Variants in CC2D1A observed in about 807,000 individuals in gnomAD.
The protein encoded by CC2D1A is coiled-coil and C2 domain-containing protein 1A.
A neutral mutation model predicts 123.8 loss-of-function variants in CC2D1A; 68 were observed. The observed-to-expected ratio is 0.55, with a 90% CI of 0.45 to 0.67. The LOEUF is 0.67. Among genes scored for constraint, CC2D1A ranks in the 30% least tolerant of loss-of-function variants. CC2D1A has a pLI of 0.00. For synonymous variants in CC2D1A, 477 were observed against 528.0 expected (o/e 0.90, Z 1.32); for missense variants, 1,185 against 1,290.3 (o/e 0.92, Z 1.25).
rs770697782 is a variant in CC2D1A at position 13,930,032 on chromosome 19, G to A, written c.2711-46G>A. 40 of 1,583,954 alleles carry A rather than the reference G, an allele frequency of 2.5e-5. No individual in the cohort carries two copies. The highest frequency in any genetic ancestry group is 3.3e-5 in the Non-Finnish European group (38 of 1,162,846). On this transcript the variant is annotated intron_variant, in intron 26 of 28. Coordinates refer to ENST00000318003, the MANE Select transcript of CC2D1A (RefSeq NM_017721.5). The surrounding 1 kb of genome is among the most constrained non-coding windows in gnomAD (Gnocchi z 6.8). The stretch of plus-strand genomic sequence containing the variant: ...GCACAGTCCAGGAGGGTTGTGGGCA[G>A]TGAGGCCCCACCCTAAGCCTCCATT...
intron 14 of CC2D1A, 144 bp downstream of exon 14, chr19:13,921,066 G>A (rs1324627179): frequency 2.5e-6 from 2 of 807,346 alleles, no homozygotes; most frequent in Admixed American, 3.1e-5. Flanking sequence ...GCTGAAAGGA[G>A]ACAGACATTT....
intron 11 of CC2D1A, 39 bp from the exon 12 acceptor site, chr19:13,919,779 T>C (rs752473899): frequency 1.3e-6 from 2 of 1,557,084 alleles, no homozygotes; most frequent in African/African-American, 2.7e-5. Context: ...TTGGTCTCCA[T>C]CCTGACACAC....
chr19:13,918,574 C>G lies in CC2D1A; in HGVS notation c.944C>G (p.Pro315Arg), dbSNP rs371171727. The G allele has an allele frequency of 7.4e-6, 12 of 1,613,202 alleles. No individual in the cohort carries two copies. The highest frequency in any genetic ancestry group is 9.3e-6 in the Non-Finnish European group (11 of 1,179,878). ...PVDLSCLPPP[P>R]DQLPPDPPSP... Reference sequence around the variant, plus strand: ...GACCTCTCCTGCCTGCCCCCTCCACCCGGTGAGAACCCTGCCATGCCCACT... The same window carrying G: ...GACCTCTCCTGCCTGCCCCCTCCACGCGGTGAGAACCCTGCCATGCCCACT... Residue 315 changes from proline to arginine, a missense_variant and splice_region_variant, in exon 8 of 29, where the codon CCC becomes CGC. Transcript: ENST00000318003.
Position 13,918,016 on chromosome 19 carries a change from C to G in CC2D1A, c.749-54C>G. The G allele has an allele frequency of 2.3e-5, 37 of 1,584,556 alleles. 3 individuals carry two copies. The South Asian group carries it at 3.9e-4, about 17-fold the overall frequency. On this transcript the variant is annotated intron_variant, in intron 6 of 28. Transcript: ENST00000318003. ...ATAAATAAATAACAAATGGTTTACA[C>G]GGTGAACTTGGCCCAGGCCCTGGAG...
chr19:13,915,499 C>T (rs1269609784), intron 6 of CC2D1A, among the ~76,000 whole-genome samples: 1 of 152,134 alleles, frequency 6.6e-6, no homozygotes, highest in Non-Finnish European at 1.5e-5. Context: ...TCCGCCTGCT[C>T]CGCCTCCCAA....
intron 17 of CC2D1A, among the ~76,000 whole-genome samples, chr19:13,924,450 G>A (rs903770561): frequency 7.2e-5 from 11 of 152,028 alleles, no homozygotes; most frequent in African/African-American, 2.4e-4. Flanking sequence ...GATTACAGGC[G>A]TGAGCCACCA....
chr19:13,910,407 CA>C (rs766322114), intron 2 of CC2D1A, among the ~76,000 whole-genome samples: 2,733 of 40,904 alleles, frequency 0.067, 42 homozygotes, highest in African/African-American at 0.18. Flanking sequence ...GACTCCGTCT[CA>C]AAAAAAAAAA....
At chr19:13,919,715 C>A in intron 11 of CC2D1A, 103 bp from the exon 12 acceptor site, 1 of 1,258,860 alleles carries the variant, frequency 7.9e-7, no homozygotes, top group Non-Finnish European at 1.1e-6. Context: ...AAAGTAAAGG[C>A]CCAAGACTCT....
chr19:13,926,042 A>ACG (rs1382694374), intron 17 of CC2D1A, among the ~76,000 whole-genome samples: 1 of 83,594 alleles, frequency 1.2e-5, no homozygotes, highest in Non-Finnish European at 2.2e-5. Flanking sequence ...ATATATATAT[A>ACG]TACACGTATA....
At chr19:13,925,555 C>A (rs1279462682) in intron 17 of CC2D1A, among the ~76,000 whole-genome samples, 1 of 150,850 alleles carries the variant, frequency 6.6e-6, no homozygotes, top group Non-Finnish European at 1.5e-5. Flanking sequence ...CCAGCCTGGG[C>A]GACAGAGTGA....
rs866968334 is a variant in CC2D1A, at chr19:13,918,564, C to T, written c.934C>T (p.Pro312Ser). 6.2e-7 allele frequency: 1 copy of T among 1,613,254 alleles called. No homozygotes were observed. The highest frequency in any genetic ancestry group is 1.3e-5 in the African/African-American group (1 of 74,914). The change falls in exon 8 of 29, where the codon CCC (proline) becomes TCC (serine). Residue 312 changes from proline to serine, a missense_variant. Transcript: ENST00000318003. ...RGEPVDLSCL[P>S]PPPDQLPPDP... ...TGAGCCCGTGGACCTCTCCTGCCTG[C>T]CCCCTCCACCCGGTGAGAACCCTGC...
In CC2D1A at chr19:13,930,038, C is replaced by A. The variant is rs1015292888; in HGVS notation, c.2711-40C>A. The A allele has an allele frequency of 6.3e-7, 1 of 1,594,056 alleles. No individual in the cohort carries two copies. The highest frequency in any genetic ancestry group is 8.5e-7 in the Non-Finnish European group (1 of 1,169,674). On this transcript the variant is annotated intron_variant, in intron 26 of 28. Coordinates refer to ENST00000318003, the MANE Select transcript of CC2D1A (RefSeq NM_017721.5). The surrounding 1 kb of genome is among the most constrained non-coding windows in gnomAD (Gnocchi z 6.8). The stretch of plus-strand genomic sequence containing the variant: ...TCCAGGAGGGTTGTGGGCAGTGAGG[C>A]CCCACCCTAAGCCTCCATTCCCCCG...
Position 13,930,476 on chromosome 19 carries a change from A to G in CC2D1A, c.*81A>G, listed in dbSNP as rs1971869201. On this transcript the variant is annotated 3_prime_UTR_variant, in exon 29 of 29. Transcript: ENST00000318003. The surrounding 1 kb of genome is among the most constrained non-coding windows in gnomAD (Gnocchi z 6.8). ...AAGAGCCGACACAGCCACGAACCAG[A>G]CAAGCAGACAATCAGCGGACAATCG... 3 of 1,434,382 alleles carry G rather than the reference A, an allele frequency of 2.1e-6. No individual in the cohort carries two copies. In the African/African-American group the frequency reaches 4.3e-5, roughly 20 times the overall value. The allele number at this position is 1,434,382 out of a possible 1,614,324, so 88.9% of individuals were successfully genotyped here.
At position 13,918,804 on chromosome 19, in the gene CC2D1A, G is replaced by A. The variant is rs772713840; in HGVS notation, c.1005G>A (p.Ala335=). 4.3e-6 allele frequency: 7 copies of A among 1,613,212 alleles called. No individual in the cohort carries two copies. The highest frequency in any genetic ancestry group is 4.0e-5 in the African/African-American group (3 of 75,016). ...PPSQPPTPAT[A]PSTTEVPPPP... ...CGCAGCCTCCGACCCCCGCTACGGC[G>A]CCCTCCACAACAGGTAGGTTCTGGG... The change falls in exon 9 of 29, where the codon GCG becomes GCA. Residue 335 remains alanine, a synonymous_variant. Transcript: ENST00000318003.
chr19:13,912,311 C>T lies in CC2D1A; in HGVS notation c.197-12C>T, dbSNP rs776613692. 7 of 1,582,702 alleles carry T rather than the reference C, an allele frequency of 4.4e-6. No individual in the cohort carries two copies. In the Admixed American group the frequency reaches 9.2e-5, roughly 21 times the overall value. ...CGACCCTGGTCCACCTGGGGCATCC[C>T]CCTACCGCCAGGTCCCTTGCCGATG... On this transcript the variant is annotated splice_polypyrimidine_tract_variant and intron_variant, in intron 2 of 28. Transcript: ENST00000318003.
chr19:13,927,145 C>T (rs1282185226), intron 21 of CC2D1A, 30 bp from the exon 22 acceptor site: 1 of 1,611,376 alleles, frequency 6.2e-7, no homozygotes, highest in Non-Finnish European at 8.5e-7. Context: ...AACCAACCAT[C>T]CTGTCCCCAC....
In CC2D1A at chr19:13,930,842, G is replaced by A. The variant is rs1043825419; in HGVS notation, c.*447G>A. On this transcript the variant is annotated 3_prime_UTR_variant, in exon 29 of 29. Coordinates refer to ENST00000318003, the MANE Select transcript of CC2D1A (RefSeq NM_017721.5). The surrounding 1 kb of genome is among the most constrained non-coding windows in gnomAD (Gnocchi z 6.8). Reference sequence around the variant, plus strand: ...CGACCTGGCCCAGCTGGGTCCCCAGGGCCAGCACATGGAATAAAATAGCCA... The same window carrying A: ...CGACCTGGCCCAGCTGGGTCCCCAGAGCCAGCACATGGAATAAAATAGCCA... 1.5e-5 allele frequency: 3 copies of A among 196,120 alleles called. No individual in the cohort carries two copies. Among genetic ancestry groups the A allele is most frequent in the African/African-American group, 2.3e-5 (1 of 42,620 alleles). 12.1% of individuals were successfully genotyped at this position (196,120 alleles called of 1,614,324 possible). A position where few individuals can be genotyped will look rare whatever the true frequency, so the allele number is the denominator to read the frequency against.
chr19:13,917,968 C>A, intron 6 of CC2D1A, 102 bp from the exon 7 acceptor site: 1 of 1,315,182 alleles, frequency 7.6e-7, no homozygotes. Context: ...GAGGCTCTGT[C>A]TGAAAAAGAA....
At chr19:13,911,706 ATTTTTTTTT>A (rs1055273535) in intron 2 of CC2D1A, among the ~76,000 whole-genome samples, 6 of 88,552 alleles carry the variant, frequency 6.8e-5, no homozygotes, top group South Asian at 3.5e-4. Flanking sequence ...TGCCCAGCTA[ATTTTTTTTT>A]TTTTTTTTTT....
Sources: gnomAD v4.1 joint callset for allele counts (sites outside exome capture counted in the v4.1 genomes callset) on GRCh38, gnomAD v4.1.1 for gene constraint, Gnocchi (gnomAD v3.1) non-coding constraint, MANE v1.5 for transcripts, NCBI Gene and HGNC (gene_info 2026-07-23, HGNC 2026-07-21) for gene names.